The following PRAMEF4 variants were observed in gnomAD, a reference collection of about 807,000 sequenced individuals.
PRAMEF4 encodes the protein RP5-845O24.6.
Under a neutral mutation model 34.4 loss-of-function variants are expected in PRAMEF4, and 18 were observed. The ratio of observed to expected loss-of-function variants is 0.52; its 90% confidence interval spans 0.36 to 0.78. The LOEUF is 0.78. Ranked by LOEUF, PRAMEF4 falls within the 30% of genes least tolerant of loss-of-function variation. The probability of loss-of-function intolerance (pLI) is 0.00; values close to 1 mark genes in which losing one functional copy is unlikely to be tolerated. For missense variants in PRAMEF4, 482 were observed against 569.1 expected, an observed-to-expected ratio of 0.85 and a Z score of 1.56; for synonymous variants, 156 against 219.3, an observed-to-expected ratio of 0.71 and a Z score of 2.55.
At chr1:12,881,794 A>T in intron 3 of PRAMEF4, 60 bp downstream of exon 3, 1 of 1,598,328 alleles carries the variant, frequency 6.3e-7, no homozygotes, top group Non-Finnish European at 8.5e-7. Flanking sequence ...GATGCCCACT[A>T]GTGTTTACTG....
intron 2 of PRAMEF4, among the ~76,000 whole-genome samples, chr1:12,882,673 C>T (rs1329595185): frequency 1.4e-5 from 2 of 147,862 alleles, no homozygotes; most frequent in Non-Finnish European, 3.0e-5. Flanking sequence ...TCACTGCAAC[C>T]TCTGCTTCCC....
chr1:12,882,407 G>A lies in PRAMEF4; in HGVS notation c.322C>T (p.Gln108Ter), dbSNP rs774903501. ...ATCCAGAAGTTCTCACAGACATCCT[G>A]TAAATCCAGCACTTGAAGTTTCCAC... ...RRWKLQVLDL[Q>*]DVCENFWMVW... The change falls in exon 3 of 4, where the codon CAG becomes TAG. Residue 108 changes from glutamine (Q) to a stop codon, truncating the protein, a stop_gained. Transcript: ENST00000235349. LOFTEE classifies it high-confidence loss of function. 1.3e-6 allele frequency: 2 copies of A among 1,588,960 alleles called. No homozygotes were observed. Among genetic ancestry groups the A allele is most frequent in the South Asian group, 1.1e-5 (1 of 90,040 alleles).
At position 12,882,119 on chromosome 1, in the gene PRAMEF4, C is replaced by T; in HGVS notation, c.610G>A (p.Val204Met). The change falls in exon 3 of 4, where the codon GTG (valine) becomes ATG (methionine). Residue 204 changes from valine to methionine, a missense_variant. Val to Met is a conservative substitution (Grantham distance 21, BLOSUM62 1). Coordinates refer to ENST00000235349, the MANE Select transcript of PRAMEF4 (RefSeq NM_001009611.4). ...FRNIRSILKM[V>M]NLDCIQEVEV... is the part of the protein sequence containing the mutation. Reference sequence around the variant, plus strand: ...ACCTCCTGGATACAGTCTAGGTTCACCATTTTCAGGATGCTTCTGATATTG... The same window carrying T: ...ACCTCCTGGATACAGTCTAGGTTCATCATTTTCAGGATGCTTCTGATATTG... 6.3e-7 allele frequency: 1 copy of T among 1,583,486 alleles called. No homozygotes were observed. Among genetic ancestry groups the T allele is most frequent in the Non-Finnish European group, 8.5e-7 (1 of 1,171,128 alleles).
chr1:12,883,637 T>C (rs1363146320), intron 1 of PRAMEF4, among the ~76,000 whole-genome samples: 1 of 148,264 alleles, frequency 6.7e-6, no homozygotes, highest in African/African-American at 2.5e-5. Flanking sequence ...GAGCCCTTCC[T>C]TTCTATCCAG....
chr1:12,885,549 G>T (rs1484436913), intron 1 of PRAMEF4, among the ~76,000 whole-genome samples: 2 of 148,252 alleles, frequency 1.3e-5, no homozygotes, highest in African/African-American at 5.0e-5. Flanking sequence ...GGGAGGCCAA[G>T]GCAGGTGGAT....
intron 1 of PRAMEF4, among the ~76,000 whole-genome samples, chr1:12,885,080 G>A (rs1335418990): frequency 2.0e-5 from 3 of 150,734 alleles, no homozygotes; most frequent in Non-Finnish European, 4.4e-5. Context: ...CAGTCCCTAA[G>A]AAAACACAAT....
At chr1:12,880,409 C>G (rs1640865375) in intron 3 of PRAMEF4, among the ~76,000 whole-genome samples, 1 of 150,464 alleles carries the variant, frequency 6.6e-6, no homozygotes, top group African/African-American at 2.5e-5. Context: ...AACCTCCTCT[C>G]TACTAAAAAT....
At chr1:12,883,845 T>C (rs1640942381) in intron 1 of PRAMEF4, among the ~76,000 whole-genome samples, 1 of 145,830 alleles carries the variant, frequency 6.9e-6, no homozygotes, top group Non-Finnish European at 1.5e-5. Context: ...GTTCTATTTG[T>C]TTTCTTTTCA....
At chr1:12,881,684 T>G (rs546736557) in intron 3 of PRAMEF4, among the ~76,000 whole-genome samples, 170 bp downstream of exon 3, 3 of 144,362 alleles carry the variant, frequency 2.1e-5, no homozygotes, top group Admixed American at 7.2e-5. Flanking sequence ...ATTGGGAGGG[T>G]TGCATGATAC....
intron 1 of PRAMEF4, 120 bp downstream of exon 1, chr1:12,886,027 T>C (rs1257465686): frequency 4.8e-5 from 4 of 83,958 alleles, no homozygotes; most frequent in African/African-American, 2.3e-4. Context: ...ATTGTTCATA[T>C]AAAAAAAAAA....
chr1:12,884,839 A>C (rs2995622), intron 1 of PRAMEF4, among the ~76,000 whole-genome samples: 6 of 150,278 alleles, frequency 4.0e-5, no homozygotes, highest in African/African-American at 7.4e-5. Context: ...TGAAAGATTT[A>C]GGGATAGGGT....
chr1:12,883,377 C>G lies in PRAMEF4; in HGVS notation c.18G>C (p.Trp6Cys), dbSNP rs1640932921. Residue 6 changes from tryptophan to cysteine, a missense_variant, in exon 2 of 4, where the codon TGG (tryptophan) becomes TGC (cysteine). Trp to Cys is a radical substitution (Grantham distance 215). Transcript: ENST00000235349. MKMSI[W>C]TPPRLLELAG... ...CAAGCTCCAGGAGTCTGGGTGGAGT[C>G]CAGATGCTCATCTTCATGAATCTGC... The G allele has an allele frequency of 1.2e-6, 2 of 1,600,326 alleles. No homozygotes were observed. Among genetic ancestry groups the G allele is most frequent in the East Asian group, 2.3e-5 (1 of 44,374 alleles).
intron 1 of PRAMEF4, among the ~76,000 whole-genome samples, chr1:12,883,966 C>G (rs561687988): frequency 7.2e-6 from 1 of 139,346 alleles, no homozygotes; most frequent in Non-Finnish European, 1.6e-5. Flanking sequence ...TTCTTGTCTT[C>G]TTTCCCTGCC....
At chr1:12,885,369 TG>T (rs1204252507) in intron 1 of PRAMEF4, among the ~76,000 whole-genome samples, 6 of 150,040 alleles carry the variant, frequency 4.0e-5, no homozygotes, top group African/African-American at 4.9e-5. Flanking sequence ...ATTTTGTTTT[TG>T]TTTTTGGACA....
rs1640934476 is a variant in PRAMEF4, at chr1:12,883,435, A to T, written c.-16-25T>A. 1.9e-6 allele frequency: 3 copies of T among 1,600,766 alleles called. No homozygotes were observed. In the East Asian group the frequency reaches 6.8e-5, roughly 36 times the overall value. On this transcript the variant is annotated intron_variant, in intron 1 of 3. Transcript: ENST00000235349. ...ACTTCCAGAGGACAAACCCAGAGAAAAGGCATCTCTCTCGGGCCAAGCCCA... is the reference window on the plus strand; with the variant it reads ...ACTTCCAGAGGACAAACCCAGAGAATAGGCATCTCTCTCGGGCCAAGCCCA...
At chr1:12,884,271 C>A (rs878936219) in intron 1 of PRAMEF4, among the ~76,000 whole-genome samples, 6 of 148,692 alleles carry the variant, frequency 4.0e-5, no homozygotes, top group South Asian at 2.1e-4. Flanking sequence ...CCCCTCTTGG[C>A]CTCCCAACAT....
rs776088386 is a variant in PRAMEF4, at chr1:12,879,711, C to T, written c.1270G>A (p.Ala424Thr). The change falls in exon 4 of 4, where the codon GCT (alanine) becomes ACT (threonine). Residue 424 changes from alanine to threonine, a missense_variant. Physicochemically the swap from Ala to Thr is moderately conservative, Grantham distance 58 (BLOSUM62 0). Coordinates refer to ENST00000235349, the MANE Select transcript of PRAMEF4 (RefSeq NM_001009611.4). Reference sequence around the variant, plus strand: ...CTGCTCCAGCAGAGAGTACCATCAGCACCATAACTCTCCCGGGGGGCAGGA... The same window carrying T: ...CTGCTCCAGCAGAGAGTACCATCAGTACCATAACTCTCCCGGGGGGCAGGA... ...LYPAPRESYG[A>T]DGTLCWSRFA... 5.6e-6 allele frequency: 9 copies of T among 1,600,754 alleles called. No homozygotes were observed. Among genetic ancestry groups the T allele is most frequent in the Non-Finnish European group, 7.7e-6 (9 of 1,174,158 alleles).
intron 1 of PRAMEF4, among the ~76,000 whole-genome samples, chr1:12,884,535 T>C (rs958206638): frequency 2.0e-5 from 3 of 146,920 alleles, no homozygotes; most frequent in African/African-American, 7.6e-5. Context: ...GCCAACATGG[T>C]AAAACCCTGA....
In PRAMEF4 at chr1:12,882,269, C is replaced by A. The variant is rs1296155084; in HGVS notation, c.460G>T (p.Glu154Ter). ...KGRQPLTVFV[E>*]LWLKNRTLDE... ...AGAGTCCTGTTCTTGAGCCAAAGTT[C>A]TACGAACACAGTCAAGGGCTGCCGT... Residue 154 changes from glutamate (E) to a stop codon, truncating the protein, a stop_gained, in exon 3 of 4, where the codon GAA becomes TAA. Transcript: ENST00000235349. LOFTEE classifies it high-confidence loss of function. 1 of 1,548,912 alleles carries A rather than the reference C, an allele frequency of 6.5e-7. No individual in the cohort carries two copies. Among genetic ancestry groups the A allele is most frequent in the African/African-American group, 1.5e-5 (1 of 65,010 alleles).
Sources: gnomAD v4.1 joint callset for allele counts (sites outside exome capture counted in the v4.1 genomes callset) on GRCh38, gnomAD v4.1.1 for gene constraint, MANE v1.5 for transcripts, NCBI Gene and HGNC (gene_info 2026-07-23, HGNC 2026-07-21) for gene names.